CCN6: variants seen among roughly 807,000 people sequenced by gnomAD.
CCN6 encodes the protein CCN family member 6.
CCN6 carries 31 observed loss-of-function variants against 37.4 expected under a neutral mutation model. That is an observed-to-expected ratio of 0.83 (90% confidence interval 0.62 to 1.12). The LOEUF is 1.12. Ranked by LOEUF, CCN6 falls within the 50% of genes most tolerant of loss-of-function variation. CCN6 has a pLI of 0.00. For missense variants in CCN6, 369 were observed against 413.8 expected (o/e 0.89, Z 0.94); for synonymous variants, 137 against 142.1 (o/e 0.96, Z 0.26).
chr6:112,062,966 T>C (rs1344512523), intron 2 of CCN6, among the ~76,000 whole-genome samples: 1 of 152,218 alleles, frequency 6.6e-6, no homozygotes, highest in Non-Finnish European at 1.5e-5. Context: ...GAAATATTTA[T>C]TCACTTAAAA....
At chr6:112,055,977 A>T (rs1776338383) in intron 1 of CCN6, among the ~76,000 whole-genome samples, 1 of 152,190 alleles carries the variant, frequency 6.6e-6, no homozygotes, top group Non-Finnish European at 1.5e-5. Context: ...AGATCAAATG[A>T]TGGGAAGTTC....
intron 2 of CCN6, among the ~76,000 whole-genome samples, chr6:112,063,442 T>A (rs1776586052): frequency 6.6e-6 from 1 of 152,224 alleles, no homozygotes; most frequent in Admixed American, 6.5e-5. Flanking sequence ...AATTTTGCCA[T>A]TCTATGCATT....
chr6:112,053,866 G>C (rs782169938), upstream of CCN6, among the ~76,000 whole-genome samples: 70 of 73,982 alleles, frequency 9.5e-4, no homozygotes, highest in African/African-American at 2.6e-3. Context: ...TGCTGTTGGT[G>C]GGGGGGCCAG....
intron 1 of CCN6, among the ~76,000 whole-genome samples, chr6:112,058,063 G>T (rs1776399883): frequency 6.6e-6 from 1 of 152,100 alleles, no homozygotes; most frequent in Non-Finnish European, 1.5e-5. Context: ...CTGAGATGGA[G>T]GCAAAATTTT....
In CCN6 at chr6:112,068,390, A is replaced by G. The variant is rs782251579; in HGVS notation, c.775A>G (p.Thr259Ala). ...IQPCDSNILK[T>A]IKIPKGKTCQ... The stretch of plus-strand genomic sequence containing the variant: ...GCCTTGCGACAGCAATATATTAAAG[A>G]CAATAAAGGTAAAGTTTAAATATAT... Residue 259 changes from threonine (T) to alanine (A), a missense_variant, in exon 4 of 5, where the codon ACA becomes GCA. Transcript: ENST00000368666. 1.2e-6 allele frequency: 2 copies of G among 1,610,068 alleles called. No homozygotes were observed. The highest frequency in any genetic ancestry group is 1.7e-6 in the Non-Finnish European group (2 of 1,177,764).
chr6:112,057,769 T>A (rs1262362740), intron 1 of CCN6, among the ~76,000 whole-genome samples: 2 of 151,572 alleles, frequency 1.3e-5, no homozygotes, highest in Non-Finnish European at 2.9e-5. Context: ...CAGTGTAGAA[T>A]GAGGCAAGCA....
intron 1 of CCN6, among the ~76,000 whole-genome samples, chr6:112,058,436 T>C (rs1776412467): frequency 6.6e-6 from 1 of 152,174 alleles, no homozygotes; most frequent in South Asian, 2.1e-4. Flanking sequence ...CATAAGCAAA[T>C]TGCCAGGCAC....
intron 1 of CCN6, 63 bp from the exon 2 acceptor site, chr6:112,060,928 T>C: frequency 1.3e-6 from 2 of 1,597,296 alleles, no homozygotes; most frequent in Non-Finnish European, 1.7e-6. Context: ...GGAAATCTTC[T>C]ATTCCTGTTA....
chr6:112,056,665 G>A (rs766027043), intron 1 of CCN6, among the ~76,000 whole-genome samples: 23 of 152,156 alleles, frequency 1.5e-4, no homozygotes, highest in South Asian at 2.1e-4. Flanking sequence ...ACAGGTGCAC[G>A]CCACCACACC....
intron 3 of CCN6, 67 bp from the exon 4 acceptor site, chr6:112,068,138 T>G: frequency 7.8e-7 from 1 of 1,279,884 alleles, no homozygotes; most frequent in Non-Finnish European, 1.1e-6. Context: ...TAAACATGAT[T>G]AAAAATTATC....
intron 1 of CCN6, among the ~76,000 whole-genome samples, chr6:112,058,327 T>C (rs1304981146): frequency 2.0e-5 from 3 of 152,218 alleles, no homozygotes; most frequent in Admixed American, 2.0e-4. Context: ...TTCCTACAGA[T>C]ACTTCTAAAT....
In CCN6 at chr6:112,068,366, C is replaced by T; in HGVS notation, c.751C>T (p.Pro251Ser). The T allele has an allele frequency of 6.2e-7, 1 of 1,612,672 alleles. No individual in the cohort carries two copies. Among genetic ancestry groups the T allele is most frequent in the Non-Finnish European group, 8.5e-7 (1 of 1,179,262 alleles). The change falls in exon 4 of 5, where the codon CCT (proline) becomes TCT (serine). Residue 251 changes from proline to serine, a missense_variant. Physicochemically the swap from Pro to Ser is moderately conservative, Grantham distance 74. Transcript: ENST00000368666. ...RKEKRLCYIQ[P>S]CDSNILKTIK... ...AGAGAAAAGACTGTGTTACATTCAG[C>T]CTTGCGACAGCAATATATTAAAGAC...
intron 2 of CCN6, among the ~76,000 whole-genome samples, chr6:112,063,316 TA>T (rs1776581287): frequency 6.6e-6 from 1 of 152,208 alleles, no homozygotes; most frequent in African/African-American, 2.4e-5. Flanking sequence ...GACAGTGCCT[TA>T]AAAATTAGCT....
At chr6:112,056,207 C>T (rs781911436) in intron 1 of CCN6, among the ~76,000 whole-genome samples, 1 of 152,158 alleles carries the variant, frequency 6.6e-6, no homozygotes, top group Non-Finnish European at 1.5e-5. Flanking sequence ...AAGTTACTAT[C>T]ATAACAGAAG....
At position 112,061,019 on chromosome 6, in the gene CCN6, C is replaced by T. The variant is rs149609367; in HGVS notation, c.77C>T (p.Pro26Leu). 4,702 of 1,614,028 alleles carry T rather than the reference C, an allele frequency of 2.9e-3. 6 individuals are homozygous for T. The highest frequency in any genetic ancestry group is 5.1e-3 in the Middle Eastern group (31 of 6,054). The change falls in exon 2 of 5, where the codon CCA becomes CTA. Residue 26 changes from proline to leucine, a missense_variant. Physicochemically the swap from Pro to Leu is moderately conservative, Grantham distance 98. Coordinates refer to ENST00000368666, the MANE Select transcript of CCN6 (RefSeq NM_198239.2). ...TGCTGCAGGGTACAGGGCACTGGAC[C>T]ATTAGATACAACACCTGAAGGAAGG... ...QFCCRVQGTG[P>L]LDTTPEGRPG...
At chr6:112,068,525 T>A in intron 4 of CCN6, 127 bp downstream of exon 4, 1 of 901,114 alleles carries the variant, frequency 1.1e-6, no homozygotes, top group Non-Finnish European at 1.6e-6. Flanking sequence ...TTATAATGCT[T>A]AAAGTCAAAC....
chr6:112,061,786 G>A (rs1276852835), intron 2 of CCN6, among the ~76,000 whole-genome samples: 1 of 152,148 alleles, frequency 6.6e-6, no homozygotes, highest in Non-Finnish European at 1.5e-5. Flanking sequence ...AGAAGGTGAG[G>A]TCACCCCAAA....
chr6:112,053,474 T>TC (rs1391566766), upstream of CCN6, among the ~76,000 whole-genome samples: 2 of 140,378 alleles, frequency 1.4e-5, no homozygotes, highest in Non-Finnish European at 3.1e-5. Flanking sequence ...TTTTTGTGTC[T>TC]TTTTTTTTTT....
chr6:112,058,095 G>A (rs1333153314), intron 1 of CCN6, among the ~76,000 whole-genome samples: 1 of 152,132 alleles, frequency 6.6e-6, no homozygotes, highest in Non-Finnish European at 1.5e-5. Flanking sequence ...AATTTTTTTA[G>A]GATTCTAGCT....
Sources: allele counts gnomAD v4.1 joint callset (sites outside exome capture counted in the v4.1 genomes callset), GRCh38; gene constraint gnomAD v4.1.1; transcripts MANE v1.5; gene names NCBI Gene and HGNC (gene_info 2026-07-23, HGNC 2026-07-21).